Variants in MAMLD1 observed in about 807,000 individuals in gnomAD.
The protein encoded by MAMLD1 is mastermind-like domain-containing protein 1.
A neutral mutation model predicts 45.0 loss-of-function variants in MAMLD1; 14 were observed. The ratio of observed to expected loss-of-function variants is 0.31; its 90% CI spans 0.21 to 0.49. The LOEUF (loss-of-function observed/expected upper bound fraction) is 0.49. Ranked by LOEUF, MAMLD1 falls within the 20% of genes least tolerant of loss-of-function variation. MAMLD1 has a pLI of 0.99. For missense variants in MAMLD1, 543 were observed against 603.6 expected, an observed-to-expected ratio of 0.90 and a Z score of 1.05; for synonymous variants, 254 against 247.8, an observed-to-expected ratio of 1.02 and a Z score of -0.24.
At chrX:150,482,004 G>GAAAGAA (rs1557407323) in intron 5 of MAMLD1, among the ~76,000 whole-genome samples, 8 of 106,093 alleles carry the variant, frequency 7.5e-5, no homozygotes, top group African/African-American at 2.8e-4. Flanking sequence ...AAGAAAGAAA[G>GAAAGAA]AAAGAAAGAA....
intron 3 of MAMLD1, among the ~76,000 whole-genome samples, chrX:150,464,727 C>T (rs910557045): frequency 1.2e-4 from 13 of 111,991 alleles, no homozygotes; most frequent in African/African-American, 4.2e-4. Context: ...TCATGCCCCA[C>T]GACATCTTCA....
rs1557406699 is a variant in MAMLD1, at chrX:150,473,732, A to G, written c.1970A>G (p.Gln657Arg). Reference sequence around the variant, plus strand: ...TCTGCAGCTAGCTCGGTGAAGCCCCAGCATCAACACGGGAACTCTTTCACT... The same window carrying G: ...TCTGCAGCTAGCTCGGTGAAGCCCCGGCATCAACACGGGAACTCTTTCACT... Reference protein sequence around the residue: ...WTSAASSVKPQHQHGNSFTSR... With the variant: ...WTSAASSVKPRHQHGNSFTSR... Residue 657 changes from glutamine (Q) to arginine (R), a missense_variant, in exon 5 of 8, where the codon CAG (glutamine) becomes CGG (arginine). Physicochemically the swap from Gln to Arg is conservative, Grantham distance 43 (BLOSUM62 1). Coordinates refer to ENST00000370401, the MANE Select transcript of MAMLD1 (RefSeq NM_005491.5). 2 of 1,206,009 alleles carry G rather than the reference A, an allele frequency of 1.7e-6. No homozygotes were observed. The highest frequency in any genetic ancestry group is 3.5e-5 in the South Asian group (2 of 56,845).
rs782729416 is a variant in MAMLD1, at chrX:150,470,235, C to T, written c.662C>T (p.Pro221Leu). ...DHPQATLSTT[P>L]KPSVQMSHLE... ...CCCCAGGCAACCCTAAGCACAACTC[C>T]CAAGCCTTCGGTTCAGATGTCACAC... Residue 221 changes from proline (P) to leucine (L), a missense_variant, in exon 4 of 8, where the codon CCC becomes CTC. Physicochemically the swap from Pro to Leu is moderately conservative, Grantham distance 98 (BLOSUM62 -3). Coordinates refer to ENST00000370401, the MANE Select transcript of MAMLD1 (RefSeq NM_005491.5). The T allele has an allele frequency of 5.8e-6, 7 of 1,211,825 alleles. No individual in the cohort carries two copies. The highest frequency in any genetic ancestry group is 7.8e-6 in the Non-Finnish European group (7 of 895,531).
At chrX:150,431,218 C>T (rs782114391) in intron 1 of MAMLD1, among the ~76,000 whole-genome samples, 1 of 111,202 alleles carries the variant, frequency 9.0e-6, no homozygotes, top group South Asian at 3.8e-4. Flanking sequence ...GTTTTCATTC[C>T]GATGTCTGTG....
At chrX:150,443,389 C>A (rs1445292147) in intron 1 of MAMLD1, among the ~76,000 whole-genome samples, 9 of 99,943 alleles carry the variant, frequency 9.0e-5, no homozygotes, top group African/African-American at 3.4e-4. Flanking sequence ...TTGATCATTT[C>A]TTTTTATTTT....
intron 5 of MAMLD1, among the ~76,000 whole-genome samples, chrX:150,494,929 G>T (rs964665022): frequency 9.1e-6 from 1 of 110,178 alleles, no homozygotes; most frequent in African/African-American, 3.3e-5. Flanking sequence ...ACCTTGGCCG[G>T]GTGTGGTGGC....
chrX:150,453,805 C>T (rs2035749592), intron 2 of MAMLD1, among the ~76,000 whole-genome samples: 1 of 112,261 alleles, frequency 8.9e-6, no homozygotes, highest in African/African-American at 3.2e-5. Context: ...CAGGGCCTTC[C>T]CACTTGCTGC....
intron 3 of MAMLD1, among the ~76,000 whole-genome samples, chrX:150,463,257 C>T (rs1224566497): frequency 1.8e-5 from 2 of 111,932 alleles, no homozygotes; most frequent in Non-Finnish European, 3.8e-5. Flanking sequence ...TGTTTCTCTT[C>T]TCCCCACAGT....
rs965406655 is a variant in MAMLD1, at chrX:150,407,577, T to C, written c.-63-37877T>C. ...TTGATTACTTAGGCTTTTTTTTTCC[T>C]GATTCCTCAGCTAAGCCAAACTGTT... is the stretch of plus-strand genomic sequence containing the variant. On this transcript the variant is annotated intron_variant, in intron 1 of 7. Coordinates refer to ENST00000370401, the MANE Select transcript of MAMLD1 (RefSeq NM_005491.5). Among the ~76,000 whole-genome samples, 12 of 112,255 alleles carry C rather than the reference T, an allele frequency of 1.1e-4. 2 individuals are homozygous for C. Among genetic ancestry groups the C allele is most frequent in the Admixed American group, 1.0e-3 (11 of 10,612 alleles).
chrX:150,370,691 C>A (rs1354164375), intron 1 of MAMLD1, among the ~76,000 whole-genome samples: 2 of 111,616 alleles, frequency 1.8e-5, no homozygotes, highest in Non-Finnish European at 3.8e-5. Flanking sequence ...CCTGCCTCCA[C>A]CCCCCCAGCT....
At chrX:150,412,300 C>A (rs1256933500) in intron 1 of MAMLD1, among the ~76,000 whole-genome samples, 1 of 111,046 alleles carries the variant, frequency 9.0e-6, no homozygotes, top group African/African-American at 3.3e-5. Flanking sequence ...AAGCTCTCCC[C>A]AGTCTTCCTT....
intron 1 of MAMLD1, among the ~76,000 whole-genome samples, chrX:150,414,443 C>T (rs2034201777): frequency 9.0e-6 from 1 of 111,146 alleles, no homozygotes; most frequent in Non-Finnish European, 1.9e-5. Context: ...ATCTAAAGGC[C>T]ATGGATAATG....
At chrX:150,385,012 G>C (rs928240919) in intron 1 of MAMLD1, among the ~76,000 whole-genome samples, 2 of 110,741 alleles carry the variant, frequency 1.8e-5, no homozygotes, top group Admixed American at 1.9e-4. Flanking sequence ...TCACCATGCT[G>C]TACATTAGAT....
chrX:150,384,114 C>A (rs1318559944), intron 1 of MAMLD1, among the ~76,000 whole-genome samples: 8 of 111,764 alleles, frequency 7.2e-5, no homozygotes, highest in Non-Finnish European at 1.3e-4. Context: ...GCTTTCATTT[C>A]TCTTGGGCAT....
intron 5 of MAMLD1, among the ~76,000 whole-genome samples, chrX:150,491,383 G>GA (rs1479190575): frequency 8.9e-6 from 1 of 112,112 alleles, no homozygotes; most frequent in Non-Finnish European, 1.9e-5. Context: ...TTGGTTCTCA[G>GA]ATCACCTACT....
chrX:150,480,728 G>A (rs1157132825), intron 5 of MAMLD1, among the ~76,000 whole-genome samples: 2 of 112,538 alleles, frequency 1.8e-5, no homozygotes, highest in East Asian at 5.6e-4. Flanking sequence ...AGAGCCACAG[G>A]CCTTGGCTGG....
chrX:150,477,184 T>C (rs782780700), intron 5 of MAMLD1, among the ~76,000 whole-genome samples: 1 of 99,966 alleles, frequency 1.0e-5, no homozygotes, highest in Non-Finnish European at 2.0e-5. Context: ...GGGCAAGCGA[T>C]TTACCCTCTC....
chrX:150,382,533 TGAG>T (rs1478910588), intron 1 of MAMLD1, among the ~76,000 whole-genome samples: 4 of 111,972 alleles, frequency 3.6e-5, no homozygotes, highest in African/African-American at 1.3e-4. Context: ...GAGATTTTGA[TGAG>T]AACTGCATTA....
rs782752947 is a variant in MAMLD1 at position 150,469,905 on chromosome X, C to A, written c.332C>A (p.Pro111His). 8.3e-7 allele frequency: 1 copy of A among 1,210,167 alleles called. No homozygotes were observed. The highest frequency in any genetic ancestry group is 1.7e-5 in the African/African-American group (1 of 57,149). ...ACTGCTTGTGCAGAACTGCAGGTCCCTCCATTGACAATAAATCCTAGCCCT... is the reference window on the plus strand; with the variant it reads ...ACTGCTTGTGCAGAACTGCAGGTCCATCCATTGACAATAAATCCTAGCCCT... ...PSTACAELQV[P>H]PLTINPSPAA... Residue 111 changes from proline (P) to histidine (H), a missense_variant, in exon 4 of 8, where the codon CCT becomes CAT. Physicochemically the swap from Pro to His is moderately conservative, Grantham distance 77. Coordinates refer to ENST00000370401, the MANE Select transcript of MAMLD1 (RefSeq NM_005491.5).
Sources: gnomAD v4.1 joint callset for allele counts (sites outside exome capture counted in the v4.1 genomes callset) on GRCh38, gnomAD v4.1.1 for gene constraint, MANE v1.5 for transcripts, NCBI Gene and HGNC (gene_info 2026-07-23, HGNC 2026-07-21) for gene names.